Variants in SOX5 observed in about 807,000 individuals in gnomAD.
The protein encoded by SOX5 is transcription factor SOX-5.
A neutral mutation model predicts 92.0 loss-of-function variants in SOX5; 9 were observed. The observed-to-expected ratio is 0.10, with a 90% CI of 0.06 to 0.17. SOX5 has a LOEUF of 0.17. Among genes scored for constraint, SOX5 ranks in the 10% least tolerant of loss-of-function variants. The pLI is 1.00. For synonymous variants in SOX5, 344 were observed against 336.3 expected, an observed-to-expected ratio of 1.02 and a Z score of -0.25; for missense variants, 642 against 944.5, an observed-to-expected ratio of 0.68 and a Z score of 4.20.
chr12:24,403,252 G>C (rs1962167199), intron 1 of SOX5, among the ~76,000 whole-genome samples: 1 of 152,156 alleles, frequency 6.6e-6, no homozygotes. Flanking sequence ...TGACAATAAA[G>C]TTGATAGCAA....
chr12:23,791,303 T>C (rs1374621094), intron 3 of SOX5, among the ~76,000 whole-genome samples: 1 of 152,174 alleles, frequency 6.6e-6, no homozygotes, highest in Non-Finnish European at 1.5e-5. Context: ...GTTGTTTTTG[T>C]TTTTAGAAAC....
intron 2 of SOX5, among the ~76,000 whole-genome samples, chr12:23,884,770 T>C (rs1361494218): frequency 6.6e-6 from 1 of 152,198 alleles, no homozygotes; most frequent in African/African-American, 2.4e-5. Context: ...ATCTGTAAAT[T>C]GGGGATAAAC....
At chr12:24,456,824 G>A (rs778001404) in intron 1 of SOX5, among the ~76,000 whole-genome samples, 12 of 152,124 alleles carry the variant, frequency 7.9e-5, no homozygotes, top group African/African-American at 2.2e-4. Flanking sequence ...AACCTGACTC[G>A]TTATAAATAA....
intron 4 of SOX5, among the ~76,000 whole-genome samples, chr12:23,968,460 G>A (rs768138615): frequency 6.6e-6 from 1 of 152,200 alleles, no homozygotes; most frequent in Non-Finnish European, 1.5e-5. Flanking sequence ...AAGCCCTCAT[G>A]AATGGATTAA....
intron 3 of SOX5, among the ~76,000 whole-genome samples, chr12:23,844,548 CA>C (rs1193995889): frequency 1.6e-4 from 24 of 152,054 alleles, no homozygotes; most frequent in Admixed American, 1.2e-3. Context: ...TCAAAAATAT[CA>C]AAAAAATTCA....
At chr12:24,507,072 C>G (rs956359217) in intron 1 of SOX5, among the ~76,000 whole-genome samples, 41 of 152,070 alleles carry the variant, frequency 2.7e-4, no homozygotes, top group African/African-American at 7.5e-4. Flanking sequence ...TTACAGGCAT[C>G]AGCCACCGCG....
At chr12:23,792,211 T>C (rs552456496) in intron 3 of SOX5, among the ~76,000 whole-genome samples, 6 of 151,816 alleles carry the variant, frequency 4.0e-5, no homozygotes, top group African/African-American at 1.4e-4. Flanking sequence ...AGGGAAGAGA[T>C]TGAGAGAGTG....
intron 4 of SOX5, among the ~76,000 whole-genome samples, chr12:24,000,948 A>T (rs1389486541): frequency 6.6e-6 from 1 of 152,140 alleles, no homozygotes; most frequent in Non-Finnish European, 1.5e-5. Context: ...ACCTAACTAA[A>T]ATCTATAGAA....
chr12:23,623,377 A>G (rs2077407470), intron 8 of SOX5, among the ~76,000 whole-genome samples: 2 of 152,104 alleles, frequency 1.3e-5, no homozygotes, highest in East Asian at 3.8e-4. Flanking sequence ...TGTTTTGCAC[A>G]TTGTTTAATC....
chr12:24,540,160 G>A (rs1373563554), intron 1 of SOX5, among the ~76,000 whole-genome samples: 1 of 152,092 alleles, frequency 6.6e-6, no homozygotes, highest in Non-Finnish European at 1.5e-5. Context: ...GACCTTATCT[G>A]AAGAATCTGC....
intron 6 of SOX5, among the ~76,000 whole-genome samples, chr12:23,725,839 G>C (rs1415032269): frequency 1.3e-5 from 2 of 152,118 alleles, no homozygotes; most frequent in Non-Finnish European, 2.9e-5. Flanking sequence ...AACTGTGCTG[G>C]ACTGAAAAGT....
At chr12:23,754,223 A>T (rs2094288537) in intron 4 of SOX5, among the ~76,000 whole-genome samples, 1 of 151,752 alleles carries the variant, frequency 6.6e-6, no homozygotes, top group Admixed American at 6.6e-5. Context: ...AGGGGAAAAA[A>T]CGTTTGTCCT....
At chr12:24,166,480 T>C (rs1310497633) in intron 4 of SOX5, among the ~76,000 whole-genome samples, 2 of 152,102 alleles carry the variant, frequency 1.3e-5, no homozygotes, top group Admixed American at 1.3e-4. Context: ...CAAGAAACAG[T>C]GAGAGAGAGC....
At chr12:24,252,771 C>T (rs1257653377) in intron 3 of SOX5, among the ~76,000 whole-genome samples, 1 of 151,952 alleles carries the variant, frequency 6.6e-6, no homozygotes, top group East Asian at 1.9e-4. Context: ...AAGCAAGGTG[C>T]TCCACACGAT....
chr12:23,934,365 T>A (rs186388554), intron 1 of SOX5, among the ~76,000 whole-genome samples: 3 of 150,708 alleles, frequency 2.0e-5, no homozygotes, highest in Admixed American at 1.3e-4. Flanking sequence ...AAAATATTCA[T>A]GTCAAAAATC....
At chr12:23,921,845 A>G (rs1938366057) in intron 1 of SOX5, among the ~76,000 whole-genome samples, 1 of 152,222 alleles carries the variant, frequency 6.6e-6, no homozygotes, top group Non-Finnish European at 1.5e-5. Context: ...CAGCAAAGCC[A>G]CTAGCAGAAT....
intron 3 of SOX5, among the ~76,000 whole-genome samples, chr12:24,246,349 T>G (rs1325222241): frequency 1.3e-5 from 2 of 151,940 alleles, no homozygotes; most frequent in Non-Finnish European, 2.9e-5. Flanking sequence ...TCATTGTCCG[T>G]CATATTAAAC....
chr12:23,636,515 G>T (rs2079262898), intron 8 of SOX5, among the ~76,000 whole-genome samples: 3 of 152,196 alleles, frequency 2.0e-5, no homozygotes, highest in African/African-American at 7.2e-5. Context: ...TATGCAAAAG[G>T]TTATTTCAAA....
intron 7 of SOX5, among the ~76,000 whole-genome samples, chr12:23,663,061 C>T (rs1016538802): frequency 2.0e-5 from 3 of 152,136 alleles, no homozygotes; most frequent in Non-Finnish European, 4.4e-5. Context: ...CTATTCCTTT[C>T]CTGAAATGTG....
Sources: gnomAD v4.1 joint callset for allele counts (sites outside exome capture counted in the v4.1 genomes callset) on GRCh38, gnomAD v4.1.1 for gene constraint, MANE v1.5 for transcripts, NCBI Gene and HGNC (gene_info 2026-07-23, HGNC 2026-07-21) for gene names.